Variants in MYBPC1 observed in about 807,000 individuals in gnomAD.
The protein encoded by MYBPC1 is myosin-binding protein C, slow-type.
Under a neutral mutation model 147.1 loss-of-function variants are expected in MYBPC1, and 52 were observed. The observed-to-expected ratio is 0.35, with a 90% CI of 0.28 to 0.45. The LOEUF (loss-of-function observed/expected upper bound fraction) is 0.45. Among genes scored for constraint, MYBPC1 ranks in the 20% least tolerant of loss-of-function variants. MYBPC1 has a pLI of 1.00. For missense variants in MYBPC1, 1,228 were observed against 1,440.3 expected, an observed-to-expected ratio of 0.85 and a Z score of 2.39; for synonymous variants, 477 against 475.9, an observed-to-expected ratio of 1.00 and a Z score of -0.03.
intron 10 of MYBPC1, among the ~76,000 whole-genome samples, chr12:101,638,623 A>G (rs766281265): frequency 8.5e-5 from 13 of 152,202 alleles, no homozygotes; most frequent in Non-Finnish European, 1.5e-4. Flanking sequence ...TACACAATCA[A>G]TCAACAAAAA....
chr12:101,625,392 A>T (rs190966763), intron 3 of MYBPC1, among the ~76,000 whole-genome samples: 177 of 152,310 alleles, frequency 1.2e-3, no homozygotes, highest in Non-Finnish European at 2.0e-3. Flanking sequence ...TAGTGGTGAA[A>T]TGCTATGCGC....
intron 1 of MYBPC1, chr12:101,600,294 T>C (rs1593574634): frequency 6.6e-6 from 1 of 151,952 alleles, no homozygotes. Context: ...AGACACAGCC[T>C]TGAAACTTTT....
At chr12:101,684,686 T>C (rs539075297) in intron 31 of MYBPC1, among the ~76,000 whole-genome samples, 13 of 152,312 alleles carry the variant, frequency 8.5e-5, no homozygotes, top group African/African-American at 2.9e-4. Flanking sequence ...TAGACAAAAA[T>C]GGGTGATACC....
chr12:101,654,986 C>T (rs1895283916), intron 18 of MYBPC1, among the ~76,000 whole-genome samples: 1 of 152,148 alleles, frequency 6.6e-6, no homozygotes. Flanking sequence ...AAATATCAAG[C>T]ACCCAACATG....
chr12:101,681,705 T>C (rs1408709664), intron 29 of MYBPC1, among the ~76,000 whole-genome samples: 1 of 143,018 alleles, frequency 7.0e-6, no homozygotes, highest in Non-Finnish European at 1.5e-5. Flanking sequence ...GCCTCCTGGG[T>C]TCAAGCAATT....
chr12:101,624,728 T>C (rs536705461), intron 3 of MYBPC1, among the ~76,000 whole-genome samples: 2 of 109,584 alleles, frequency 1.8e-5, no homozygotes, highest in Admixed American at 8.5e-5. Flanking sequence ...AGTCTTGTTA[T>C]GTTGCCCAGG....
the MYBPC1 span, among the ~76,000 whole-genome samples, chr12:101,694,801 G>T: frequency 6.7e-6 from 1 of 150,188 alleles, no homozygotes; most frequent in African/African-American, 2.5e-5. Context: ...ATTCATTCAT[G>T]TTCATAAGTG....
At chr12:101,687,421 G>A (rs1177124589), downstream of MYBPC1, among the ~76,000 whole-genome samples, 1 of 152,108 alleles carries the variant, frequency 6.6e-6, no homozygotes, top group African/African-American at 2.4e-5. Context: ...TTTTATGGCT[G>A]CATAGTATTC....
At chr12:101,622,569 C>G (rs762350218) in intron 3 of MYBPC1, among the ~76,000 whole-genome samples, 123 of 151,668 alleles carry the variant, frequency 8.1e-4, no homozygotes, top group Non-Finnish European at 1.3e-3. Context: ...ACCCCATCTC[C>G]AATAAAAATA....
intron 1 of MYBPC1, among the ~76,000 whole-genome samples, chr12:101,597,111 C>T (rs186523250): frequency 2.5e-4 from 38 of 152,290 alleles, no homozygotes; most frequent in African/African-American, 7.7e-4. Context: ...GTAAGGAGTA[C>T]GGCAATTCAT....
intron 3 of MYBPC1, among the ~76,000 whole-genome samples, chr12:101,622,515 A>C (rs571309277): frequency 6.6e-6 from 1 of 152,106 alleles, no homozygotes; most frequent in African/African-American, 2.4e-5. Flanking sequence ...CAGGAGGATC[A>C]CTTGAGCTCA....
At chr12:101,656,342 C>T (rs1427389251) in intron 18 of MYBPC1, among the ~76,000 whole-genome samples, 1 of 151,992 alleles carries the variant, frequency 6.6e-6, no homozygotes, top group African/African-American at 2.4e-5. Context: ...AGATATTGAT[C>T]GAGCTATACC....
chr12:101,649,629 C>A (rs1170317011), intron 15 of MYBPC1, among the ~76,000 whole-genome samples: 1 of 151,956 alleles, frequency 6.6e-6, no homozygotes, highest in Non-Finnish European at 1.5e-5. Context: ...TAGTAGAGCG[C>A]CAATATTAGG....
chr12:101,643,935 A>C (rs1247379475), intron 11 of MYBPC1, among the ~76,000 whole-genome samples: 1 of 152,244 alleles, frequency 6.6e-6, no homozygotes, highest in East Asian at 1.9e-4. Context: ...TATCTTATAA[A>C]TTCTGTGGTT....
chr12:101,628,024 C>A, intron 5 of MYBPC1: 1 of 525,478 alleles, frequency 1.9e-6, no homozygotes, highest in South Asian at 2.1e-5. Context: ...AAAAATACCA[C>A]AGGTTTGTTC....
At chr12:101,646,307 G>A (rs1308690574) in intron 12 of MYBPC1, among the ~76,000 whole-genome samples, 1 of 150,292 alleles carries the variant, frequency 6.7e-6, no homozygotes, top group East Asian at 1.9e-4. Flanking sequence ...TTTTTTTTTG[G>A]TTTGACGTTA....
chr12:101,617,329 T>C, intron 3 of MYBPC1, 86 bp downstream of exon 3: 1 of 1,400,354 alleles, frequency 7.1e-7, no homozygotes, highest in East Asian at 2.3e-5. Flanking sequence ...GGTGGCTCCA[T>C]AGAATTTCTC....
rs1247186545 is a variant in MYBPC1, at chr12:101,652,742, G to A, written c.1591G>A (p.Asp531Asn). ...EDEGDYVFAP[D>N]AYNVTLPAKV... ...TGAAGGTGATTATGTATTTGCACCT[G>A]ATGCCTACAATGTTACTCTGCCTGC... Residue 531 changes from aspartate (D) to asparagine (N), a missense_variant, in exon 17 of 32, where the codon GAT becomes AAT. Around this residue, in one of 2 missense-constraint regions of MYBPC1, gnomAD observed 1,077 missense variants for 1,314.2 expected, o/e 0.82. Transcript: ENST00000361466. The A allele has an allele frequency of 6.2e-7, 1 of 1,613,980 alleles. No individual in the cohort carries two copies. Among genetic ancestry groups the A allele is most frequent in the Non-Finnish European group, 8.5e-7 (1 of 1,179,882 alleles).
chr12:101,692,399 G>C, the MYBPC1 span, among the ~76,000 whole-genome samples: 1 of 152,144 alleles, frequency 6.6e-6, no homozygotes, highest in East Asian at 1.9e-4. Flanking sequence ...TTTAATACAT[G>C]TAAGTTATTA....
Sources: allele counts gnomAD v4.1 joint callset (sites outside exome capture counted in the v4.1 genomes callset), GRCh38; gene constraint gnomAD v4.1.1; regional missense constraint gnomAD v4.1.1; transcripts MANE v1.5; gene names NCBI Gene and HGNC (gene_info 2026-07-23, HGNC 2026-07-21).